Variants in MAP4K3 observed in about 807,000 individuals in gnomAD.
The protein encoded by MAP4K3 is MAPK/ERK kinase kinase kinase 3.
In MAP4K3, 94 loss-of-function variants were observed where a neutral mutation model predicts 143.5. That is an observed-to-expected ratio of 0.65 (90% CI 0.55 to 0.78). The LOEUF (loss-of-function observed/expected upper bound fraction) is 0.78, where lower values mean the gene tolerates loss of function less well. MAP4K3 is among the 30% of genes least tolerant of loss of function. The pLI is 0.00. For missense variants in MAP4K3, 1,077 were observed against 1,068.1 expected (o/e 1.01, Z -0.12); for synonymous variants, 416 against 347.2 (o/e 1.20, Z -2.20).
chr2:39,434,780 C>T (rs1665401536), intron 1 of MAP4K3, among the ~76,000 whole-genome samples: 1 of 152,232 alleles, frequency 6.6e-6, no homozygotes, highest in East Asian at 1.9e-4. Context: ...ACAATAGCAC[C>T]TATCTCACAG....
intron 28 of MAP4K3, among the ~76,000 whole-genome samples, chr2:39,264,847 A>C (rs2148445314): frequency 6.6e-6 from 1 of 152,358 alleles, no homozygotes; most frequent in South Asian, 2.1e-4. Context: ...TAGTTCTCCT[A>C]GGCCAAACTG....
rs757323024 is a variant in MAP4K3 at position 39,290,456 on chromosome 2, T to C, written c.1272-122A>G. 3.8e-5 allele frequency: 24 copies of C among 638,276 alleles called. No homozygotes were observed. In the Middle Eastern group the frequency reaches 2.2e-3, roughly 58 times the overall value. 39.5% of individuals were successfully genotyped at this position (638,276 alleles called of 1,614,324 possible). A position where few individuals can be genotyped will look rare whatever the true frequency, so the allele number is the denominator to read the frequency against. ...AAAGACAAATATCATTTTCTAAGAT[T>C]GTAAGTTTTTTCTAAAGTATTTTGT... On this transcript the variant is annotated intron_variant, in intron 18 of 33. Transcript: ENST00000263881.
chr2:39,307,951 A>G lies in MAP4K3; in HGVS notation c.1111T>C (p.Ser371Pro), dbSNP rs777817496. Residue 371 changes from serine (S) to proline (P), a missense_variant, in exon 15 of 34, where the codon TCT becomes CCT. This residue lies in a region of MAP4K3 where 864 missense variants were observed against 801.2 expected (regional missense o/e 1.08). Coordinates refer to ENST00000263881, the MANE Select transcript of MAP4K3 (RefSeq NM_003618.4). ...SSEEIYYTARSNLDLQLEYGQ... is the reference protein window; with the variant it reads ...SSEEIYYTARPNLDLQLEYGQ... ...CAGAAGATGAGAAATACCAGATTAG[A>G]TCTTGCAGTGTAGTATATTTCTTCT... The G allele has an allele frequency of 6.4e-7, 1 of 1,573,948 alleles. No individual in the cohort carries two copies. The highest frequency in any genetic ancestry group is 1.2e-5 in the South Asian group (1 of 83,968).
intron 15 of MAP4K3, among the ~76,000 whole-genome samples, chr2:39,306,317 C>T (rs1008164593): frequency 3.0e-4 from 45 of 152,168 alleles, no homozygotes; most frequent in Admixed American, 1.2e-3. Flanking sequence ...CAGCAAGCAC[C>T]GACTGTGTTT....
At chr2:39,281,595 T>C (rs1164555675) in intron 22 of MAP4K3, among the ~76,000 whole-genome samples, 1 of 151,998 alleles carries the variant, frequency 6.6e-6, no homozygotes, top group Non-Finnish European at 1.5e-5. Context: ...CAGTTCCCAA[T>C]CTTAAGCTAA....
rs769099426 is a variant in MAP4K3 at position 39,265,255 on chromosome 2, C to G, written c.2084G>C (p.Ser695Thr). Residue 695 changes from serine to threonine, a missense_variant, in exon 28 of 34, where the codon AGC becomes ACC. Physicochemically the swap from Ser to Thr is moderately conservative, Grantham distance 58. Around this residue, in one of 2 missense-constraint regions of MAP4K3, gnomAD observed 864 missense variants for 801.2 expected, o/e 1.08. Coordinates refer to ENST00000263881, the MANE Select transcript of MAP4K3 (RefSeq NM_003618.4). ...HKYLCGALQT[S>T]IVLLEWVEPM... ...TTCAACCCATTCTAATAGAACAATG[C>G]TAGTCTGAAGTGCTCCACATAGGTA... The G allele has an allele frequency of 1.2e-6, 2 of 1,613,650 alleles. No homozygotes were observed. The highest frequency in any genetic ancestry group is 4.5e-5 in the East Asian group (2 of 44,816).
At chr2:39,291,948 A>G (rs1682063181) in intron 18 of MAP4K3, among the ~76,000 whole-genome samples, 1 of 152,154 alleles carries the variant, frequency 6.6e-6, no homozygotes, top group South Asian at 2.1e-4. Flanking sequence ...CAAGGCCTAG[A>G]AAGTTTATGT....
chr2:39,256,222 T>C (rs575303502), intron 31 of MAP4K3, among the ~76,000 whole-genome samples: 12 of 152,362 alleles, frequency 7.9e-5, no homozygotes, highest in African/African-American at 2.9e-4. Context: ...TTATATTCTA[T>C]GTACATAATC....
chr2:39,396,799 T>C (rs1005883480), intron 1 of MAP4K3, among the ~76,000 whole-genome samples: 2 of 152,204 alleles, frequency 1.3e-5, no homozygotes, highest in African/African-American at 4.8e-5. Context: ...TGAAAGTTTT[T>C]CATAAAACCA....
intron 1 of MAP4K3, among the ~76,000 whole-genome samples, chr2:39,395,591 G>C (rs1305893011): frequency 1.3e-5 from 2 of 152,058 alleles, no homozygotes; most frequent in East Asian, 3.8e-4. Context: ...TTGTTCTTTT[G>C]GGATGAATGT....
intron 2 of MAP4K3, among the ~76,000 whole-genome samples, chr2:39,375,245 A>G (rs1666186468): frequency 6.6e-6 from 1 of 152,096 alleles, no homozygotes; most frequent in Non-Finnish European, 1.5e-5. Context: ...GGCTACAGTG[A>G]CACTGTCTCT....
In MAP4K3 at chr2:39,272,533, G is replaced by C. The variant is rs1356765197; in HGVS notation, c.1804C>G (p.Arg602Gly). 6.2e-7 allele frequency: 1 copy of C among 1,612,850 alleles called. No homozygotes were observed. ...HETSMEQLFPRRCTWLYVMNN... is the reference protein window; with the variant it reads ...HETSMEQLFPGRCTWLYVMNN... ...ATTACATACAACCATGTACACCTTC[G>C]AGGGAATAGCTGATTAAAAAAAGGC... Residue 602 changes from arginine (R) to glycine (G), a missense_variant, in exon 25 of 34, where the codon CGA becomes GGA. Physicochemically the swap from Arg to Gly is moderately radical, Grantham distance 125. Transcript: ENST00000263881.
Position 39,308,018 on chromosome 2 carries a change from G to T in MAP4K3, c.1057-13C>A. 6.3e-7 allele frequency: 1 copy of T among 1,580,496 alleles called. No homozygotes were observed. The highest frequency in any genetic ancestry group is 8.6e-7 in the Non-Finnish European group (1 of 1,164,720). On this transcript the variant is annotated splice_polypyrimidine_tract_variant and intron_variant, in intron 14 of 33. Coordinates refer to ENST00000263881, the MANE Select transcript of MAP4K3 (RefSeq NM_003618.4). ...CATCACTGTCGGGCTGTTTAGCAGA[G>T]ACCAAGAAACCCAAGTTATTTACGC...
chr2:39,380,271 A>G (rs1465938192), intron 1 of MAP4K3, among the ~76,000 whole-genome samples: 2 of 152,132 alleles, frequency 1.3e-5, no homozygotes, highest in Non-Finnish European at 2.9e-5. Context: ...CTTCACTTCT[A>G]AGCCTTTCCT....
chr2:39,314,581 C>T (rs576760106), intron 13 of MAP4K3, among the ~76,000 whole-genome samples: 12 of 152,322 alleles, frequency 7.9e-5, no homozygotes, highest in South Asian at 2.1e-4. Flanking sequence ...ACCCACCATA[C>T]TTTCCAGGTA....
chr2:39,436,747 G>A (rs1324603842), intron 1 of MAP4K3, 145 bp downstream of exon 1: 1 of 667,288 alleles, frequency 1.5e-6, no homozygotes. Flanking sequence ...CAAGGCAGCA[G>A]AGCCCTTGGC....
At chr2:39,346,580 A>G (rs1414552908) in intron 3 of MAP4K3, among the ~76,000 whole-genome samples, 4 of 152,178 alleles carry the variant, frequency 2.6e-5, no homozygotes, top group Admixed American at 1.3e-4. Context: ...CTAACTTTTT[A>G]AAGTATCCTA....
intron 1 of MAP4K3, among the ~76,000 whole-genome samples, chr2:39,378,789 T>TA (rs1278972120): frequency 6.6e-6 from 1 of 151,870 alleles, no homozygotes; most frequent in Non-Finnish European, 1.5e-5. Flanking sequence ...AAAATCACTT[T>TA]AAAAAATCAA....
chr2:39,376,654 A>T (rs1666226555), intron 2 of MAP4K3, among the ~76,000 whole-genome samples: 1 of 152,230 alleles, frequency 6.6e-6, no homozygotes, highest in Admixed American at 6.5e-5. Flanking sequence ...CAATATAGCT[A>T]TGGTCAGTGC....
Sources: gnomAD v4.1 joint callset for allele counts (sites outside exome capture counted in the v4.1 genomes callset) on GRCh38, gnomAD v4.1.1 for gene constraint, gnomAD v4.1.1 regional missense constraint, MANE v1.5 for transcripts, NCBI Gene and HGNC (gene_info 2026-07-23, HGNC 2026-07-21) for gene names.